MAPK15: variants seen among roughly 807,000 people sequenced by gnomAD.
MAPK15 encodes the protein ERK-7.
In MAPK15, 61 loss-of-function variants were observed where a neutral mutation model predicts 60.8. The observed-to-expected ratio is 1.00, with a 90% CI of 0.82 to 1.24. The LOEUF (loss-of-function observed/expected upper bound fraction) is 1.24, where lower values mean the gene tolerates loss of function less well. Ranked by LOEUF, MAPK15 falls within the 50% of genes most tolerant of loss-of-function variation. The pLI is 0.00. For synonymous variants in MAPK15, 356 were observed against 319.9 expected (o/e 1.11, Z -1.21); for missense variants, 808 against 741.1 (o/e 1.09, Z -1.05).
In MAPK15 at chr8:143,722,295, C is replaced by G; in HGVS notation, c.*44C>G. The G allele has an allele frequency of 6.7e-7, 1 of 1,495,362 alleles. No homozygotes were observed. Among genetic ancestry groups the G allele is most frequent in the Non-Finnish European group, 8.9e-7 (1 of 1,119,638 alleles). 92.6% of individuals were successfully genotyped at this position (1,495,362 alleles called of 1,614,324 possible). On this transcript the variant is annotated 3_prime_UTR_variant, in exon 14 of 14. Transcript: ENST00000338033. ...CCTGGCCCTCTGTTCCTGCCCCAGC[C>G]CCTTCCCCAGACCCCTCTCCAGTCT...
chr8:143,720,885 G>A lies in MAPK15; in HGVS notation c.917+45G>A. On this transcript the variant is annotated intron_variant, in intron 9 of 13. Transcript: ENST00000338033. This position sits in a 1 kb window ranked among gnomAD's most constrained non-coding sequence, Gnocchi z 4.6. ...CCCCAAGTGCGGGGGGACAGAGGTG[G>A]GGGCAGGAGAGAGCCAGCCCATGAG... 2 of 1,597,934 alleles carry A rather than the reference G, an allele frequency of 1.3e-6. No individual in the cohort carries two copies. The highest frequency in any genetic ancestry group is 1.7e-6 in the Non-Finnish European group (2 of 1,172,862).
Position 143,722,153 on chromosome 8 carries a change from G to A in MAPK15, c.1537G>A (p.Gly513Ser). The A allele has an allele frequency of 6.2e-7, 1 of 1,611,538 alleles. No individual in the cohort carries two copies. ...CTCTGCCTTGCAGGGTGCCCAGGGG[G>A]GTGCCAGGGCTTTGCTTGGAGGCTA... is the stretch of plus-strand genomic sequence containing the variant. ...STSALQGAQG[G>S]ARALLGGYSQ... is the part of the protein sequence containing the mutation. Residue 513 changes from glycine to serine, a missense_variant, in exon 14 of 14, where the codon GGT (glycine) becomes AGT (serine). Physicochemically the swap from Gly to Ser is moderately conservative, Grantham distance 56 (BLOSUM62 0). Coordinates refer to ENST00000338033, the MANE Select transcript of MAPK15 (RefSeq NM_139021.3).
chr8:143,717,433 AGCTTCATTTCCTGCCCAGAC>A (rs1817853052), intron 1 of MAPK15, among the ~76,000 whole-genome samples: 1 of 152,086 alleles, frequency 6.6e-6, no homozygotes, highest in Non-Finnish European at 1.5e-5. Flanking sequence ...GGCATCCCCG[AGCTTCATTTCCTGCCCAGAC>A]GCTCCCCTCT....
chr8:143,718,727 G>GT, intron 4 of MAPK15, 48 bp from the exon 5 acceptor site: 1 of 514,522 alleles, frequency 1.9e-6, no homozygotes, highest in Non-Finnish European at 3.2e-6. Context: ...CCCCCAGGTT[G>GT]CCCCCCCAGC....
intron 4 of MAPK15, 40 bp from the exon 5 acceptor site, chr8:143,718,735 A>ACCCCC: frequency 1.0e-4 from 11 of 110,034 alleles, no homozygotes; most frequent in South Asian, 3.3e-4. Context: ...TTGCCCCCCC[A>ACCCCC]GCCCCCCACC....
At position 143,719,278 on chromosome 8, in the gene MAPK15, C is replaced by G. The variant is rs570492985; in HGVS notation, c.582-65C>G. 1.3e-5 allele frequency: 20 copies of G among 1,543,172 alleles called. 1 individual carries two copies. The South Asian group carries it at 1.8e-4, about 14-fold the overall frequency. Reference sequence around the variant, plus strand: ...TCCACAAGTGTTCCCCCATTCACCCCCCAGCAACCCCACCCCCACCTCTGC... The same window carrying G: ...TCCACAAGTGTTCCCCCATTCACCCGCCAGCAACCCCACCCCCACCTCTGC... On this transcript the variant is annotated intron_variant, in intron 6 of 13. Transcript: ENST00000338033.
intron 4 of MAPK15, 158 bp from the exon 5 acceptor site, chr8:143,718,617 C>G (rs541230535): frequency 2.4e-5 from 16 of 663,576 alleles, no homozygotes; most frequent in Non-Finnish European, 3.9e-5. Flanking sequence ...CAGACCTCAC[C>G]GCTGTGCCCA....
intron 4 of MAPK15, 27 bp from the exon 5 acceptor site, chr8:143,718,748 C>CCCCCCCCCCCCG: frequency 1.3e-6 from 2 of 1,510,594 alleles, no homozygotes; most frequent in South Asian, 2.6e-5. Context: ...CCCCCACCCC[C>CCCCCCCCCCCCG]GACTGCAGTG....
At position 143,722,362 on chromosome 8, in the gene MAPK15, A is replaced by C. The variant is rs1818118902; in HGVS notation, c.*111A>C. The stretch of plus-strand genomic sequence containing the variant: ...CTCCCTGCTTTGCCTGGCCCGTTGA[A>C]GTTCCAGGGAGCTTGCCCGGGTCTC... On this transcript the variant is annotated 3_prime_UTR_variant, in exon 14 of 14. Transcript: ENST00000338033. The C allele has an allele frequency of 9.8e-7, 1 of 1,020,154 alleles. No individual in the cohort carries two copies. The highest frequency in any genetic ancestry group is 1.4e-6 in the Non-Finnish European group (1 of 730,252). The allele number at this position is 1,020,154 out of a possible 1,614,324, so 63.2% of individuals were successfully genotyped here. A position where few individuals can be genotyped will look rare whatever the true frequency, so the allele number is the denominator to read the frequency against.
rs782285450 is a variant in MAPK15 at position 143,722,097 on chromosome 8, AGGCCC to A, written c.1491_1495del (p.Gly498GlufsTer74). The A allele has an allele frequency of 7.4e-6, 12 of 1,612,030 alleles. No homozygotes were observed. The highest frequency in any genetic ancestry group is 4.5e-5 in the East Asian group (2 of 44,838). On this transcript the variant is annotated frameshift_variant, in exon 14 of 14. Coordinates refer to ENST00000338033, the MANE Select transcript of MAPK15 (RefSeq NM_139021.3). LOFTEE classifies it high-confidence loss of function. ...CAGGTCCCTCCCCGGCTTCCTCCGGAGGCCCGGCCCGGCCGGAGGATGTTCAGCAC... is the reference window on the plus strand; with the variant it reads ...CAGGTCCCTCCCCGGCTTCCTCCGGAGGCCCGGCCGGAGGATGTTCAGCAC...
chr8:143,720,103 C>A lies in MAPK15; in HGVS notation c.722-127C>A. 1 of 1,403,312 alleles carries A rather than the reference C, an allele frequency of 7.1e-7. No homozygotes were observed. The highest frequency in any genetic ancestry group is 9.6e-7 in the Non-Finnish European group (1 of 1,037,978). 86.9% of individuals were successfully genotyped at this position (1,403,312 alleles called of 1,614,324 possible). A position where few individuals can be genotyped will look rare whatever the true frequency, so the allele number is the denominator to read the frequency against. On this transcript the variant is annotated intron_variant, in intron 7 of 13. Coordinates refer to ENST00000338033, the MANE Select transcript of MAPK15 (RefSeq NM_139021.3). This position sits in a 1 kb window ranked among gnomAD's most constrained non-coding sequence, Gnocchi z 4.6. Reference sequence around the variant, plus strand: ...CTGGTGATGGGGTGTTTGAGCCCCGCCAGACAGCAGAAACCCTGTAGAGAG... The same window carrying A: ...CTGGTGATGGGGTGTTTGAGCCCCGACAGACAGCAGAAACCCTGTAGAGAG...
rs377648631 is a variant in MAPK15 at position 143,721,119 on chromosome 8, C to T, written c.1023+14C>T. ...CGCGTCTATCAGGTGCTCCGGCTCT[C>T]GACCCCTATCATCCCCTGTCTACTG... On this transcript the variant is annotated intron_variant, in intron 10 of 13. Coordinates refer to ENST00000338033, the MANE Select transcript of MAPK15 (RefSeq NM_139021.3). 5.5e-4 allele frequency: 891 copies of T among 1,607,420 alleles called. 1 individual carries two copies. Among genetic ancestry groups the T allele is most frequent in the Non-Finnish European group, 5.5e-4 (648 of 1,176,612 alleles).
intron 10 of MAPK15, 46 bp from the exon 11 acceptor site, chr8:143,721,182 ACGC>A (rs1818047131): frequency 1.3e-6 from 2 of 1,592,414 alleles, no homozygotes; most frequent in Admixed American, 1.7e-5. Flanking sequence ...AGACCCCCAA[ACGC>A]CCCATGCCCA....
In MAPK15 at chr8:143,721,404, C is replaced by T. The variant is rs181769880; in HGVS notation, c.1197C>T (p.Ala399=). 3.0e-4 allele frequency: 490 copies of T among 1,610,698 alleles called. No individual in the cohort carries two copies. In the African/African-American group the frequency reaches 3.6e-3, roughly 12 times the overall value. Residue 399 remains alanine (A), a synonymous_variant, in exon 11 of 14, where the codon GCC becomes GCT. Transcript: ENST00000338033. ...RPQSSPGHDP[A]EHESPRAAKN... ...AGAGCAGCCCAGGCCATGACCCTGC[C>T]GAGCACGGTGTGTGATCTTTGCTGG... is the stretch of plus-strand genomic sequence containing the variant.
In MAPK15 at chr8:143,719,425, T is replaced by A. The variant is rs139010308; in HGVS notation, c.664T>A (p.Ser222Thr). Residue 222 changes from serine to threonine, a missense_variant, in exon 7 of 14, where the codon TCC becomes ACC. Physicochemically the swap from Ser to Thr is moderately conservative, Grantham distance 58. Coordinates refer to ENST00000338033, the MANE Select transcript of MAPK15 (RefSeq NM_139021.3). ...GGGGAGACCCCTGTTCCCCGGCACG[T>A]CCACCCTCCACCAGCTGGAGCTGAT... is the stretch of plus-strand genomic sequence containing the variant. ...LRGRPLFPGT[S>T]TLHQLELILE... 1.1e-5 allele frequency: 18 copies of A among 1,610,568 alleles called. No individual in the cohort carries two copies. The African/African-American group carries it at 2.1e-4, about 19-fold the overall frequency.
chr8:143,719,480 AGGGTGAGCCAG>A lies in MAPK15; in HGVS notation c.721_721+10del, dbSNP rs1817962207. ...GAGACCATCCCACCGCCATCTGAGG[AGGGTGAGCCAG>A]GCTGCTGGGGCTGGGCACCGGGAAT... On this transcript the variant is annotated splice_donor_variant and splice_donor_5th_base_variant and coding_sequence_variant and intron_variant, in exon 7 of 14. Transcript: ENST00000338033. LOFTEE classifies it high-confidence loss of function. 6.2e-7 allele frequency: 1 copy of A among 1,605,800 alleles called. No homozygotes were observed. Among genetic ancestry groups the A allele is most frequent in the South Asian group, 1.1e-5 (1 of 90,182 alleles).
rs556314608 is a variant in MAPK15 at position 143,721,266 on chromosome 8, G to A, written c.1059G>A (p.Ser353=). The A allele has an allele frequency of 2.1e-5, 34 of 1,613,084 alleles. No homozygotes were observed. Among genetic ancestry groups the A allele is most frequent in the African/African-American group, 4.0e-5 (3 of 74,984 alleles). ...ILECGGSSGT[S]REKGPEGVSP... ...AGTGTGGAGGCAGCAGCGGCACCTC[G>A]AGAGAGAAGGGCCCGGAGGGTGTCT... Residue 353 remains serine, a synonymous_variant, in exon 11 of 14, where the codon TCG becomes TCA. Coordinates refer to ENST00000338033, the MANE Select transcript of MAPK15 (RefSeq NM_139021.3).
chr8:143,721,768 G>C lies in MAPK15; in HGVS notation c.1346G>C (p.Arg449Thr), dbSNP rs1355339812. 2 of 1,613,366 alleles carry C rather than the reference G, an allele frequency of 1.2e-6. No homozygotes were observed. The highest frequency in any genetic ancestry group is 1.7e-6 in the Non-Finnish European group (2 of 1,179,886). The change falls in exon 13 of 14, where the codon AGG becomes ACG. Residue 449 changes from arginine (R) to threonine (T), a missense_variant. Arg to Thr is a moderately conservative substitution (Grantham distance 71, BLOSUM62 -1). Transcript: ENST00000338033. Reference sequence around the variant, plus strand: ...CCTTCCCAGGTGAAGCCAAGCGGGAGGGGAGCTGCGCCCTCCCTGACCTCC... The same window carrying C: ...CCTTCCCAGGTGAAGCCAAGCGGGACGGGAGCTGCGCCCTCCCTGACCTCC... ...LTLSLVKPSG[R>T]GAAPSLTSQA...
At position 143,720,282 on chromosome 8, in the gene MAPK15, G is replaced by A. The variant is rs1554619408; in HGVS notation, c.774G>A (p.Gly258=). Residue 258 remains glycine, a synonymous_variant, in exon 8 of 14, where the codon GGG becomes GGA. Coordinates refer to ENST00000338033, the MANE Select transcript of MAPK15 (RefSeq NM_139021.3). The surrounding 1 kb of genome is among the most constrained non-coding windows in gnomAD (Gnocchi z 4.6). ...GTGCCTCTGTGCTGCACCAGCTGGG[G>A]TCCCGGTGAGTGGGGGCACTTCGGT... ...GCRASVLHQL[G]SRPRQTLDAL... is the part of the protein sequence containing the mutation. 2.5e-6 allele frequency: 4 copies of A among 1,587,694 alleles called. No individual in the cohort carries two copies. The Admixed American group carries it at 7.0e-5, about 28-fold the overall frequency.
Sources: gnomAD v4.1 joint callset for allele counts (sites outside exome capture counted in the v4.1 genomes callset) on GRCh38, gnomAD v4.1.1 for gene constraint, Gnocchi (gnomAD v3.1) non-coding constraint, MANE v1.5 for transcripts, NCBI Gene and HGNC (gene_info 2026-07-23, HGNC 2026-07-21) for gene names.